Variants in CHSY3 observed in about 807,000 individuals in gnomAD.
CHSY3 encodes the protein chondroitin sulfate synthase 3, also known as N-acetylgalactosaminyl-proteoglycan 3-beta-glucuronosyltransferase 3.
Under a neutral mutation model 67.2 loss-of-function variants are expected in CHSY3, and 35 were observed. The ratio of observed to expected loss-of-function variants is 0.52; its 90% CI spans 0.40 to 0.69. The LOEUF (loss-of-function observed/expected upper bound fraction) is 0.69, where lower values mean the gene tolerates loss of function less well. Among genes scored for constraint, CHSY3 ranks in the 30% least tolerant of loss-of-function variants. The pLI is 0.00. For missense variants in CHSY3, 1,069 were observed against 1,138.5 expected, an observed-to-expected ratio of 0.94 and a Z score of 0.88; for synonymous variants, 474 against 434.7, an observed-to-expected ratio of 1.09 and a Z score of -1.12.
chr5:130,064,794 T>A (rs1765830768), intron 2 of CHSY3, among the ~76,000 whole-genome samples: 1 of 152,124 alleles, frequency 6.6e-6, no homozygotes, highest in Non-Finnish European at 1.5e-5. Flanking sequence ...AAAGAGAAAG[T>A]CTGGATAGGT....
intron 2 of CHSY3, among the ~76,000 whole-genome samples, chr5:130,104,627 G>C (rs1312995074): frequency 6.6e-6 from 1 of 151,684 alleles, no homozygotes; most frequent in Non-Finnish European, 1.5e-5. Context: ...AAGCCATGAG[G>C]ATATTTCTTT....
At position 130,168,815 on chromosome 5, in the gene CHSY3, A is replaced by C. The variant is rs75003616; in HGVS notation, c.1087-15414A>C. 1.7e-4 allele frequency among the ~76,000 whole-genome samples: 26 copies of C among 152,268 alleles called. No individual in the cohort carries two copies. The East Asian group carries it at 5.0e-3, about 29-fold the overall frequency. On this transcript the variant is annotated intron_variant, in intron 2 of 2. Transcript: ENST00000305031. ...AAGTACAATATAGAATAATTAGTAC[A>C]ATGAGCACTGGCCAAAATTACACAG... is the stretch of plus-strand genomic sequence containing the variant.
chr5:130,055,069 G>A (rs74531611), intron 2 of CHSY3, among the ~76,000 whole-genome samples: 1 of 152,102 alleles, frequency 6.6e-6, no homozygotes, highest in African/African-American at 2.4e-5. Flanking sequence ...TCACCCTGTG[G>A]GGAGTGTGTC....
chr5:130,028,627 TCAC>T (rs1764621491), intron 2 of CHSY3, among the ~76,000 whole-genome samples: 1 of 152,094 alleles, frequency 6.6e-6, no homozygotes, highest in Non-Finnish European at 1.5e-5. Context: ...ACTTATTATC[TCAC>T]ATAACTGAAA....
At chr5:129,998,269 C>T (rs938532565) in intron 2 of CHSY3, among the ~76,000 whole-genome samples, 1 of 152,106 alleles carries the variant, frequency 6.6e-6, no homozygotes, top group African/African-American at 2.4e-5. Flanking sequence ...TTTTTCCCCA[C>T]TTAAAAGTAG....
At chr5:130,158,505 T>C (rs1769433974) in intron 2 of CHSY3, among the ~76,000 whole-genome samples, 1 of 152,158 alleles carries the variant, frequency 6.6e-6, no homozygotes, top group African/African-American at 2.4e-5. Flanking sequence ...AATGTCAATT[T>C]CCCAGTTTAA....
At chr5:130,007,327 C>G (rs1240965770) in intron 2 of CHSY3, among the ~76,000 whole-genome samples, 1 of 152,066 alleles carries the variant, frequency 6.6e-6, no homozygotes, top group Non-Finnish European at 1.5e-5. Flanking sequence ...TAACTAGACA[C>G]AGACAGGAAG....
At chr5:130,138,380 A>C (rs912641199) in intron 2 of CHSY3, among the ~76,000 whole-genome samples, 1 of 152,200 alleles carries the variant, frequency 6.6e-6, no homozygotes, top group Non-Finnish European at 1.5e-5. Context: ...CTTTGTCCAG[A>C]ATGCCGGTGG....
intron 2 of CHSY3, among the ~76,000 whole-genome samples, chr5:130,166,903 A>C (rs1769763131): frequency 6.6e-6 from 1 of 152,074 alleles, no homozygotes; most frequent in African/African-American, 2.4e-5. Flanking sequence ...TTTTAAGTGG[A>C]TCATGGGATC....
At chr5:130,148,465 C>T (rs1237419726) in intron 2 of CHSY3, among the ~76,000 whole-genome samples, 1 of 152,172 alleles carries the variant, frequency 6.6e-6, no homozygotes, top group African/African-American at 2.4e-5. Context: ...TCTGATGAAT[C>T]ACCACACTGT....
At chr5:129,979,199 C>CAAAAAAAAAAAAA (rs58584381) in intron 2 of CHSY3, among the ~76,000 whole-genome samples, 6 of 62,524 alleles carry the variant, frequency 9.6e-5, no homozygotes, top group African/African-American at 1.2e-4. Flanking sequence ...GACTCCGTCT[C>CAAAAAAAAAAAAA]AAAAAAAAAA....
At chr5:130,171,316 A>AT (rs1002617963) in intron 2 of CHSY3, among the ~76,000 whole-genome samples, 5 of 152,026 alleles carry the variant, frequency 3.3e-5, no homozygotes, top group African/African-American at 1.2e-4. Context: ...TTATCATTAG[A>AT]TTTTTTTTCT....
intron 2 of CHSY3, among the ~76,000 whole-genome samples, chr5:130,181,409 T>C (rs939489908): frequency 6.6e-5 from 10 of 152,198 alleles, no homozygotes. Context: ...TCATTCTCAA[T>C]AGACACTTGG....
chr5:129,990,191 A>C (rs1172252362), intron 2 of CHSY3, among the ~76,000 whole-genome samples: 2 of 152,148 alleles, frequency 1.3e-5, no homozygotes, highest in African/African-American at 2.4e-5. Context: ...ATTTATTATA[A>C]TGTAAAAGAA....
Position 129,904,720 on chromosome 5 carries a change from C to T in CHSY3, c.-110C>T. 1.6e-6 allele frequency: 2 copies of T among 1,224,908 alleles called. No individual in the cohort carries two copies. The highest frequency in any genetic ancestry group is 1.0e-6 in the Non-Finnish European group (1 of 983,762). 75.9% of individuals were successfully genotyped at this position (1,224,908 alleles called of 1,614,324 possible). On this transcript the variant is annotated 5_prime_UTR_variant, in exon 1 of 3. Coordinates refer to ENST00000305031, the MANE Select transcript of CHSY3 (RefSeq NM_175856.5). Reference sequence around the variant, plus strand: ...CCGGTGTCGGCGCCTAGGCGGCCGGCTGCGGCCGCGGCTGGGGGCGCAAAG... The same window carrying T: ...CCGGTGTCGGCGCCTAGGCGGCCGGTTGCGGCCGCGGCTGGGGGCGCAAAG...
chr5:129,998,245 T>C (rs1456798749), intron 2 of CHSY3, among the ~76,000 whole-genome samples: 1 of 151,376 alleles, frequency 6.6e-6, no homozygotes, highest in African/African-American at 2.4e-5. Flanking sequence ...TCACTGTTAA[T>C]AACACTTCGG....
chr5:130,035,661 G>A (rs1764841163), intron 2 of CHSY3, among the ~76,000 whole-genome samples: 1 of 152,088 alleles, frequency 6.6e-6, no homozygotes, highest in African/African-American at 2.4e-5. Flanking sequence ...TGTGAAGGGT[G>A]TAATCATTTC....
chr5:129,975,507 T>G (rs1235463886), intron 2 of CHSY3, among the ~76,000 whole-genome samples: 1 of 152,160 alleles, frequency 6.6e-6, no homozygotes, highest in African/African-American at 2.4e-5. Context: ...ATTAGTTACT[T>G]CATATGTAAC....
intron 2 of CHSY3, among the ~76,000 whole-genome samples, chr5:130,065,918 T>C (rs1765869080): frequency 6.6e-6 from 1 of 152,152 alleles, no homozygotes; most frequent in South Asian, 2.1e-4. Flanking sequence ...AATGTCCTTG[T>C]TCATACTGCT....
Sources: gnomAD v4.1 joint callset for allele counts (sites outside exome capture counted in the v4.1 genomes callset) on GRCh38, gnomAD v4.1.1 for gene constraint, MANE v1.5 for transcripts, NCBI Gene and HGNC (gene_info 2026-07-23, HGNC 2026-07-21) for gene names.